SKA3: variants seen among roughly 807,000 people sequenced by gnomAD.
SKA3 encodes spindle and kinetochore associated complex subunit 3.
Under a neutral mutation model 44.2 loss-of-function variants are expected in SKA3, and 39 were observed. The ratio of observed to expected loss-of-function variants is 0.88; its 90% CI spans 0.68 to 1.15. SKA3 has a LOEUF of 1.15. SKA3 is among the 50% of genes most tolerant of loss of function. SKA3 has a pLI of 0.00. For missense variants in SKA3, 511 were observed against 485.8 expected (o/e 1.05, Z -0.49); for synonymous variants, 192 against 172.0 (o/e 1.12, Z -0.91).
At chr13:21,174,887 T>C (rs1411117868) in intron 1 of SKA3, among the ~76,000 whole-genome samples, 2 of 152,192 alleles carry the variant, frequency 1.3e-5, no homozygotes, top group Non-Finnish European at 2.9e-5. Context: ...TACATTGAGA[T>C]TTAATTTGCA....
rs2137361006 is a variant in SKA3, at chr13:21,159,996, C to CTTTTTTCCA, written c.830-10_830-9insTGGAAAAAA. On this transcript the variant is annotated splice_polypyrimidine_tract_variant and intron_variant, in intron 5 of 8. Coordinates refer to ENST00000314759, the MANE Select transcript of SKA3 (RefSeq NM_145061.6). Reference sequence around the variant, plus strand: ...GTTGGTATATTCGGCATCTAAAAGACACATAAAATGGTCATTAAAAAACTA... The same window carrying CTTTTTTCCA: ...GTTGGTATATTCGGCATCTAAAAGACTTTTTTCCAACATAAAATGGTCATTAAAAAACTA... 9 of 1,202,316 alleles carry CTTTTTTCCA rather than the reference C, an allele frequency of 7.5e-6. No homozygotes were observed. Among genetic ancestry groups the CTTTTTTCCA allele is most frequent in the South Asian group, 3.7e-5 (2 of 53,506 alleles). The allele number at this position is 1,202,316 out of a possible 1,614,324, so 74.5% of individuals were successfully genotyped here.
intron 4 of SKA3, among the ~76,000 whole-genome samples, chr13:21,165,488 AAT>A (rs1408722571): frequency 1.3e-5 from 2 of 152,264 alleles, no homozygotes; most frequent in Middle Eastern, 3.4e-3. Flanking sequence ...AACTATATAA[AAT>A]ATATATCTTC....
intron 1 of SKA3, among the ~76,000 whole-genome samples, chr13:21,174,915 G>A (rs1321921934): frequency 8.1e-6 from 1 of 122,788 alleles, no homozygotes; most frequent in Non-Finnish European, 2.0e-5. Context: ...GATGACTAAT[G>A]AAATTTGCAT....
intron 4 of SKA3, among the ~76,000 whole-genome samples, chr13:21,163,543 T>G (rs1202804040): frequency 2.0e-5 from 3 of 152,226 alleles, no homozygotes; most frequent in African/African-American, 7.2e-5. Context: ...AAGCATTTTC[T>G]TATGTCTTAT....
At chr13:21,155,277 A>C in intron 8 of SKA3, 127 bp from the exon 9 acceptor site, 1 of 693,390 alleles carries the variant, frequency 1.4e-6, no homozygotes. Flanking sequence ...CACTGATATC[A>C]TTAAACTGGA....
intron 1 of SKA3, among the ~76,000 whole-genome samples, chr13:21,174,797 G>A (rs1246603132): frequency 1.4e-5 from 2 of 146,142 alleles, no homozygotes; most frequent in African/African-American, 2.5e-5. Flanking sequence ...AACAAAAAGC[G>A]CATTTGTTCC....
At chr13:21,157,843 A>G in intron 7 of SKA3, 79 bp downstream of exon 7, 2 of 845,344 alleles carry the variant, frequency 2.4e-6, no homozygotes, top group South Asian at 2.2e-5. Context: ...GACAGTTTAT[A>G]TGCAGTTTCA....
In SKA3 at chr13:21,156,110, C is replaced by A. The variant is rs1370680585; in HGVS notation, c.1120-299G>T. 9.1e-4 allele frequency among the ~76,000 whole-genome samples: 138 copies of A among 151,374 alleles called. 3 individuals are homozygous for A. The highest frequency in any genetic ancestry group is 2.9e-5 in the Non-Finnish European group (2 of 67,894). On this transcript the variant is annotated intron_variant, in intron 7 of 8. Coordinates refer to ENST00000314759, the MANE Select transcript of SKA3 (RefSeq NM_145061.6). ...GCTGAGGCCCAAGAATTACTTGAAC[C>A]CCAGAGGCGGAGGTTGCAGTGAGCT...
chr13:21,174,381 C>A (rs957163507), intron 1 of SKA3, among the ~76,000 whole-genome samples: 1 of 149,864 alleles, frequency 6.7e-6, no homozygotes, highest in African/African-American at 2.5e-5. Flanking sequence ...AAATGTGACA[C>A]ATATACACCA....
At chr13:21,163,396 T>C (rs555534873) in intron 4 of SKA3, among the ~76,000 whole-genome samples, 6 of 152,184 alleles carry the variant, frequency 3.9e-5, no homozygotes, top group African/African-American at 1.4e-4. Flanking sequence ...AATGAAATAA[T>C]AGTGTTATAT....
At chr13:21,167,483 T>A (rs576369884) in intron 4 of SKA3, among the ~76,000 whole-genome samples, 1 of 152,086 alleles carries the variant, frequency 6.6e-6, no homozygotes, top group Non-Finnish European at 1.5e-5. Context: ...AAAGAACTTA[T>A]TGGCCGGGCG....
chr13:21,158,111 G>A lies in SKA3; in HGVS notation c.930C>T (p.Tyr310=), dbSNP rs764702773. ...KNSIALVSTN[Y]PLSKTNSSSN... ...ATGAACTATTTGTTTTTGATAATGG[G>A]TAATTTGTGGATACCTATTGAATAA... Residue 310 remains tyrosine (Y), a synonymous_variant, in exon 7 of 9, where the codon TAC becomes TAT. Coordinates refer to ENST00000314759, the MANE Select transcript of SKA3 (RefSeq NM_145061.6). 13 of 1,596,368 alleles carry A rather than the reference G, an allele frequency of 8.1e-6. No homozygotes were observed. The highest frequency in any genetic ancestry group is 1.7e-5 in the Admixed American group (1 of 59,928).
chr13:21,165,852 T>G (rs569757285), intron 4 of SKA3, among the ~76,000 whole-genome samples: 1 of 152,088 alleles, frequency 6.6e-6, no homozygotes, highest in East Asian at 2.0e-4. Flanking sequence ...CGAGAATCAC[T>G]TAAACTCAGG....
chr13:21,161,689 A>T (rs748746595), intron 5 of SKA3, 101 bp downstream of exon 5: 27 of 611,612 alleles, frequency 4.4e-5, no homozygotes, highest in Non-Finnish European at 6.5e-5. Flanking sequence ...AATTAAACAG[A>T]TGAAGAAAAC....
At position 21,172,966 on chromosome 13, in the gene SKA3, T is replaced by A. The variant is rs116976393; in HGVS notation, c.104-285A>T. 5.1e-3 allele frequency among the ~76,000 whole-genome samples: 782 copies of A among 152,322 alleles called. 8 individuals are homozygous for A. Among genetic ancestry groups the A allele is most frequent in the East Asian group, 0.035 (179 of 5,182 alleles). On this transcript the variant is annotated intron_variant, in intron 1 of 8. Transcript: ENST00000314759. ...CAGGCTACACCATACAGCCTAGGTATGCAGTAGGTCATATCATCTACGTTT... is the reference window on the plus strand; with the variant it reads ...CAGGCTACACCATACAGCCTAGGTAAGCAGTAGGTCATATCATCTACGTTT...
chr13:21,169,945 G>A (rs1870944668), intron 3 of SKA3, among the ~76,000 whole-genome samples: 1 of 152,046 alleles, frequency 6.6e-6, no homozygotes, highest in African/African-American at 2.4e-5. Context: ...GCCTGAAACT[G>A]TATTTTAAAA....
At chr13:21,170,518 G>C (rs1870979768) in intron 3 of SKA3, among the ~76,000 whole-genome samples, 1 of 152,114 alleles carries the variant, frequency 6.6e-6, no homozygotes, top group Non-Finnish European at 1.5e-5. Flanking sequence ...TGTTTTAAAA[G>C]TCTTGAGTTT....
At chr13:21,162,368 A>ATT (rs71090571) in intron 4 of SKA3, among the ~76,000 whole-genome samples, 2 of 147,558 alleles carry the variant, frequency 1.4e-5, no homozygotes, top group African/African-American at 2.5e-5. Flanking sequence ...TTGTGTAAAC[A>ATT]TTTTTTTTTT....
At position 21,176,313 on chromosome 13, in the gene SKA3, G is replaced by A. The variant is rs77868703; in HGVS notation, c.103+62C>T. The stretch of plus-strand genomic sequence containing the variant: ...TTCCCGTGGGACATACCGTCCACTC[G>A]CCACGCCCCTCCGCCCGCGGCGCAC... On this transcript the variant is annotated intron_variant, in intron 1 of 8. Coordinates refer to ENST00000314759, the MANE Select transcript of SKA3 (RefSeq NM_145061.6). The A allele has an allele frequency of 6.4e-4, 809 of 1,256,658 alleles. 14 individuals are homozygous for A. The East Asian group carries it at 0.028, about 43-fold the overall frequency. The allele number at this position is 1,256,658 out of a possible 1,614,324, so 77.8% of individuals were successfully genotyped here.
Sources: gnomAD v4.1 joint callset for allele counts (sites outside exome capture counted in the v4.1 genomes callset) on GRCh38, gnomAD v4.1.1 for gene constraint, MANE v1.5 for transcripts, NCBI Gene and HGNC (gene_info 2026-07-23, HGNC 2026-07-21) for gene names.